The following VPS26B variants were observed in gnomAD, a reference collection of about 807,000 sequenced individuals.
VPS26B encodes vacuolar protein sorting-associated protein 26B.
In VPS26B, 10 loss-of-function variants were observed where a neutral mutation model predicts 33.3. The observed-to-expected ratio is 0.30, with a 90% CI of 0.19 to 0.51. The LOEUF (loss-of-function observed/expected upper bound fraction) is 0.51, where lower values mean the gene tolerates loss of function less well. VPS26B is among the 20% of genes least tolerant of loss of function. The probability of loss-of-function intolerance (pLI) is 0.98; values close to 1 mark genes in which losing one functional copy is unlikely to be tolerated. For missense variants in VPS26B, 317 were observed against 452.7 expected (o/e 0.70, Z 2.72); for synonymous variants, 190 against 176.9 (o/e 1.07, Z -0.59).
rs1256287899 is a variant in VPS26B at position 134,244,810 on chromosome 11, C to T, written c.722-128C>T. 6.8e-6 allele frequency: 9 copies of T among 1,328,920 alleles called. No homozygotes were observed. The highest frequency in any genetic ancestry group is 9.0e-6 in the Non-Finnish European group (9 of 999,744). 82.3% of individuals were successfully genotyped at this position (1,328,920 alleles called of 1,614,324 possible). A position where few individuals can be genotyped will look rare whatever the true frequency, so the allele number is the denominator to read the frequency against. ...CCTGCTGGGCAGCAGAGCGACTGCACCTTCCCAGAAGGCTGAAGTGCTCGT... is the reference window on the plus strand; with the variant it reads ...CCTGCTGGGCAGCAGAGCGACTGCATCTTCCCAGAAGGCTGAAGTGCTCGT... On this transcript the variant is annotated intron_variant, in intron 4 of 5. Transcript: ENST00000281187. The surrounding 1 kb of genome is among the most constrained non-coding windows in gnomAD (Gnocchi z 4.0).
In VPS26B at chr11:134,225,072, C is replaced by T; in HGVS notation, c.-51C>T. The T allele has an allele frequency of 6.6e-7, 1 of 1,524,424 alleles. No individual in the cohort carries two copies. 94.4% of individuals were successfully genotyped at this position (1,524,424 alleles called of 1,614,324 possible). A position where few individuals can be genotyped will look rare whatever the true frequency, so the allele number is the denominator to read the frequency against. On this transcript the variant is annotated 5_prime_UTR_variant, in exon 1 of 6. Coordinates refer to ENST00000281187, the MANE Select transcript of VPS26B (RefSeq NM_052875.5). ...CTTCTTTACCTAGGGCAGCCCGCGCCCCGGTGCGAGGGAGCGGTCCTTACC... is the reference window on the plus strand; with the variant it reads ...CTTCTTTACCTAGGGCAGCCCGCGCTCCGGTGCGAGGGAGCGGTCCTTACC...
At chr11:134,232,461 C>T (rs1230172338) in intron 1 of VPS26B, among the ~76,000 whole-genome samples, 1 of 152,194 alleles carries the variant, frequency 6.6e-6, no homozygotes, top group Non-Finnish European at 1.5e-5. Context: ...GGCCACTCTT[C>T]CATGACATTT....
intron 3 of VPS26B, among the ~76,000 whole-genome samples, chr11:134,241,164 A>C (rs1395748895): frequency 6.6e-6 from 1 of 152,180 alleles, no homozygotes. Context: ...TAGAAAGGGT[A>C]TTCTATTCAC....
chr11:134,226,624 C>T (rs555736957), intron 1 of VPS26B, among the ~76,000 whole-genome samples: 1 of 152,154 alleles, frequency 6.6e-6, no homozygotes, highest in South Asian at 2.1e-4. Flanking sequence ...AGCTACACAC[C>T]TCTGGTAGAG....
intron 1 of VPS26B, among the ~76,000 whole-genome samples, chr11:134,227,283 A>G (rs1273564484): frequency 6.6e-6 from 1 of 152,240 alleles, no homozygotes; most frequent in Admixed American, 6.5e-5. Flanking sequence ...ATCCTTGCCT[A>G]TTGAGCAAGG....
intron 1 of VPS26B, among the ~76,000 whole-genome samples, chr11:134,232,328 TC>T (rs1938567914): frequency 6.6e-6 from 1 of 152,338 alleles, no homozygotes; most frequent in East Asian, 1.9e-4. Context: ...AACCAAACTT[TC>T]TGGCAAATAG....
rs1054243222 is a variant in VPS26B at position 134,238,752 on chromosome 11, C to T, written c.381-1239C>T. 3.3e-5 allele frequency among the ~76,000 whole-genome samples: 5 copies of T among 152,062 alleles called. No homozygotes were observed. In the East Asian group the frequency reaches 5.8e-4, roughly 18 times the overall value. Reference sequence around the variant, plus strand: ...CTGGGACTACAGGCGCCCGCCACCACGCCCGGCTAATTTTTTGTATTTTTA... The same window carrying T: ...CTGGGACTACAGGCGCCCGCCACCATGCCCGGCTAATTTTTTGTATTTTTA... On this transcript the variant is annotated intron_variant, in intron 2 of 5. Transcript: ENST00000281187.
chr11:134,238,391 C>T (rs1181814389), intron 2 of VPS26B, among the ~76,000 whole-genome samples: 1 of 152,042 alleles, frequency 6.6e-6, no homozygotes, highest in South Asian at 2.1e-4. Context: ...GAGTAAAAGT[C>T]AGTGTCTTCC....
chr11:134,229,640 G>C (rs1404718072), intron 1 of VPS26B, among the ~76,000 whole-genome samples: 1 of 152,182 alleles, frequency 6.6e-6, no homozygotes, highest in Non-Finnish European at 1.5e-5. Context: ...TTCTCTGCTG[G>C]TTCTGCAGTA....
At chr11:134,228,608 A>G (rs1176663183) in intron 1 of VPS26B, among the ~76,000 whole-genome samples, 4 of 152,262 alleles carry the variant, frequency 2.6e-5, no homozygotes, top group Admixed American at 2.6e-4. Flanking sequence ...GTGAAGATGT[A>G]CTATTTGGAA....
chr11:134,243,318 G>A (rs994663271), intron 4 of VPS26B, 24 bp downstream of exon 4: 32 of 1,612,520 alleles, frequency 2.0e-5, no homozygotes, highest in Non-Finnish European at 2.6e-5. Context: ...CCCAGGCCTC[G>A]GCTACCACAG....
Position 134,247,016 on chromosome 11 carries a change from CAGTT to C in VPS26B, c.*1430_*1433del. On this transcript the variant is annotated 3_prime_UTR_variant, in exon 6 of 6. Transcript: ENST00000281187. ...AGGAGTTGGTTCCTGTGTCACCTTT[CAGTT>C]AGTGTGGGAAAGGAAGACTTCTGTT... The C allele has an allele frequency of 6.6e-6, 1 of 152,182 alleles. No individual in the cohort carries two copies. The highest frequency in any genetic ancestry group is 1.5e-5 in the Non-Finnish European group (1 of 68,034). The allele number at this position is 152,182 out of a possible 1,614,324, so 9.4% of individuals were successfully genotyped here. A position where few individuals can be genotyped will look rare whatever the true frequency, so the allele number is the denominator to read the frequency against.
chr11:134,243,378 A>G, intron 4 of VPS26B, 84 bp downstream of exon 4: 1 of 1,486,370 alleles, frequency 6.7e-7, no homozygotes, highest in South Asian at 1.2e-5. Context: ...GAGGGATTAC[A>G]CTGTCAAAAT....
At position 134,234,922 on chromosome 11, in the gene VPS26B, C is replaced by G. The variant is rs913207297; in HGVS notation, c.249C>G (p.His83Gln). Reference sequence around the variant, plus strand: ...AACTCTACTACGATCGCGGGAACCACCATGAGTTTGTGTCCCTGGTGAAGG... The same window carrying G: ...AACTCTACTACGATCGCGGGAACCAGCATGAGTTTGTGTCCCTGGTGAAGG... The part of the protein sequence containing the change: ...QIELYYDRGN[H>Q]HEFVSLVKDL... The change falls in exon 2 of 6, where the codon CAC becomes CAG. Residue 83 changes from histidine to glutamine, a missense_variant. His to Gln is a conservative substitution (Grantham distance 24). Transcript: ENST00000281187. 2.5e-6 allele frequency: 4 copies of G among 1,614,004 alleles called. No individual in the cohort carries two copies. The highest frequency in any genetic ancestry group is 3.4e-6 in the Non-Finnish European group (4 of 1,180,014).
Sources: allele counts gnomAD v4.1 joint callset (sites outside exome capture counted in the v4.1 genomes callset), GRCh38; gene constraint gnomAD v4.1.1; non-coding constraint Gnocchi (gnomAD v3.1); transcripts MANE v1.5; gene names NCBI Gene and HGNC (gene_info 2026-07-23, HGNC 2026-07-21).